Variants in TECRL observed in about 807,000 individuals in gnomAD.
TECRL encodes the protein trans-2,3-enoyl-CoA reductase-like.
Under a neutral mutation model 52.8 loss-of-function variants are expected in TECRL, and 63 were observed. That is an observed-to-expected ratio of 1.19 (90% CI 0.97 to 1.47). The LOEUF (loss-of-function observed/expected upper bound fraction) is 1.47, where lower values mean the gene tolerates loss of function less well. Ranked by LOEUF, TECRL falls within the 40% of genes most tolerant of loss-of-function variation. The pLI is 0.00. For missense variants in TECRL, 482 were observed against 429.6 expected, an observed-to-expected ratio of 1.12 and a Z score of -1.08; for synonymous variants, 164 against 141.9, an observed-to-expected ratio of 1.16 and a Z score of -1.10.
At chr4:64,353,524 G>A (rs867165892) in intron 2 of TECRL, among the ~76,000 whole-genome samples, 77 of 152,146 alleles carry the variant, frequency 5.1e-4, no homozygotes, top group African/African-American at 1.6e-3. Context: ...GAATGTAAGA[G>A]AGACAGTGGT....
chr4:64,288,598 T>C (rs1358445147), intron 9 of TECRL, among the ~76,000 whole-genome samples: 1 of 152,174 alleles, frequency 6.6e-6, no homozygotes, highest in Non-Finnish European at 1.5e-5. Flanking sequence ...GTGGATTTTA[T>C]ATAACTGGTG....
chr4:64,391,639 T>C (rs1184454270), intron 1 of TECRL, among the ~76,000 whole-genome samples: 1 of 151,908 alleles, frequency 6.6e-6, no homozygotes, highest in Non-Finnish European at 1.5e-5. Context: ...GTCTCTATTC[T>C]CAATATTATT....
intron 1 of TECRL, among the ~76,000 whole-genome samples, chr4:64,401,922 T>C (rs1435796962): frequency 6.6e-6 from 1 of 152,214 alleles, no homozygotes; most frequent in Admixed American, 6.5e-5. Context: ...TTTCTTTGTT[T>C]ACCTCATCTT....
chr4:64,391,313 A>C (rs77282787), intron 1 of TECRL, among the ~76,000 whole-genome samples: 5,821 of 151,908 alleles, frequency 0.038, 116 homozygotes, highest in Non-Finnish European at 0.048. Context: ...ATTACTTTGA[A>C]TGCCATATAT....
chr4:64,333,317 A>G (rs1718781207), intron 2 of TECRL, among the ~76,000 whole-genome samples: 1 of 152,168 alleles, frequency 6.6e-6, no homozygotes, highest in African/African-American at 2.4e-5. Flanking sequence ...AATGTAAAAT[A>G]AGGACAAGTT....
At chr4:64,331,900 G>A (rs1718665470) in intron 2 of TECRL, among the ~76,000 whole-genome samples, 2 of 152,088 alleles carry the variant, frequency 1.3e-5, no homozygotes, top group East Asian at 3.9e-4. Flanking sequence ...CATGTTCACA[G>A]GCATCCACAA....
rs145708594 is a variant in TECRL at position 64,354,098 on chromosome 4, A to T, written c.286+21074T>A. 4.5e-3 allele frequency among the ~76,000 whole-genome samples: 681 copies of T among 152,296 alleles called. 3 individuals carry two copies. Among genetic ancestry groups the T allele is most frequent in the African/African-American group, 0.015 (644 of 41,560 alleles). On this transcript the variant is annotated intron_variant, in intron 2 of 11. Coordinates refer to ENST00000381210, the MANE Select transcript of TECRL (RefSeq NM_001010874.5). ...TTTAGCACAAAAGAAAGTGCTGATG[A>T]CCTTAGAAAGGTCATTGGCATACTG...
intron 2 of TECRL, among the ~76,000 whole-genome samples, chr4:64,349,433 T>C (rs894935399): frequency 4.6e-5 from 7 of 152,052 alleles, no homozygotes; most frequent in Admixed American, 3.3e-4. Flanking sequence ...CCCCAGCCTA[T>C]AAAAACCTTT....
chr4:64,328,156 CA>C (rs1274318095), intron 3 of TECRL, among the ~76,000 whole-genome samples: 1 of 151,544 alleles, frequency 6.6e-6, no homozygotes, highest in Non-Finnish European at 1.5e-5. Flanking sequence ...TTTATAACAG[CA>C]AAAAGAAAAA....
At chr4:64,286,904 A>C (rs1161467972) in intron 9 of TECRL, among the ~76,000 whole-genome samples, 1 of 152,162 alleles carries the variant, frequency 6.6e-6, no homozygotes, top group East Asian at 1.9e-4. Flanking sequence ...ATAAGACTAA[A>C]ATTTGTGATA....
At chr4:64,295,205 T>C (rs1287341616) in intron 8 of TECRL, among the ~76,000 whole-genome samples, 1 of 151,542 alleles carries the variant, frequency 6.6e-6, no homozygotes, top group African/African-American at 2.4e-5. Flanking sequence ...CTAACCAATA[T>C]ATTTTCAGTT....
intron 2 of TECRL, among the ~76,000 whole-genome samples, chr4:64,352,094 A>G (rs1377043727): frequency 6.6e-6 from 1 of 152,202 alleles, no homozygotes; most frequent in Non-Finnish European, 1.5e-5. Context: ...CAAATATTTA[A>G]AGAAATATTG....
chr4:64,346,515 C>T (rs868471132), intron 2 of TECRL, among the ~76,000 whole-genome samples: 4 of 152,408 alleles, frequency 2.6e-5, no homozygotes, highest in East Asian at 3.9e-4. Flanking sequence ...CACGTGCAAG[C>T]TGCCAAGCCT....
At position 64,324,201 on chromosome 4, in the gene TECRL, A is replaced by G. The variant is rs867679266; in HGVS notation, c.332-1409T>C. 8.9e-4 allele frequency among the ~76,000 whole-genome samples: 135 copies of G among 152,270 alleles called. 1 individual carries two copies. The highest frequency in any genetic ancestry group is 3.1e-3 in the African/African-American group (128 of 41,576). On this transcript the variant is annotated intron_variant, in intron 3 of 11. Transcript: ENST00000381210. The stretch of plus-strand genomic sequence containing the variant: ...GACAAGTCTGGAATGTGTATATGGG[A>G]AGATATGTAAAAAAATATCTTTTTA...
chr4:64,285,902 G>A (rs1185180810), intron 9 of TECRL, among the ~76,000 whole-genome samples: 1 of 152,038 alleles, frequency 6.6e-6, no homozygotes, highest in East Asian at 1.9e-4. Context: ...CAAGGAATTT[G>A]GAAAACAAGG....
chr4:64,312,041 A>G (rs535104817), intron 5 of TECRL, among the ~76,000 whole-genome samples: 124 of 152,304 alleles, frequency 8.1e-4, no homozygotes, highest in African/African-American at 2.9e-3. Context: ...TACAGTTCCT[A>G]TGGGAGATGT....
chr4:64,279,924 T>C lies in TECRL; in HGVS notation c.*148A>G. On this transcript the variant is annotated 3_prime_UTR_variant, in exon 12 of 12. Coordinates refer to ENST00000381210, the MANE Select transcript of TECRL (RefSeq NM_001010874.5). Reference sequence around the variant, plus strand: ...TATTACCATGTGCATTTCTCTAAATTTAGTGAAATTTTACTATTTTATATT... The same window carrying C: ...TATTACCATGTGCATTTCTCTAAATCTAGTGAAATTTTACTATTTTATATT... 1 of 1,238,886 alleles carries C rather than the reference T, an allele frequency of 8.1e-7. No homozygotes were observed. The highest frequency in any genetic ancestry group is 1.0e-6 in the Non-Finnish European group (1 of 985,362). The allele number at this position is 1,238,886 out of a possible 1,614,324, so 76.7% of individuals were successfully genotyped here.
chr4:64,406,230 C>T (rs73232073), intron 1 of TECRL, among the ~76,000 whole-genome samples: 5,549 of 151,562 alleles, frequency 0.037, 340 homozygotes, highest in African/African-American at 0.12. Flanking sequence ...TTCTTTCATC[C>T]TAGGACTTTT....
chr4:64,329,920 AT>A (rs1470370216), intron 2 of TECRL, among the ~76,000 whole-genome samples: 1 of 151,810 alleles, frequency 6.6e-6, no homozygotes, highest in African/African-American at 2.4e-5. Context: ...TAAAACTCTT[AT>A]TCTATTTTAT....
Sources: gnomAD v4.1 joint callset for allele counts (sites outside exome capture counted in the v4.1 genomes callset) on GRCh38, gnomAD v4.1.1 for gene constraint, MANE v1.5 for transcripts, NCBI Gene and HGNC (gene_info 2026-07-23, HGNC 2026-07-21) for gene names.